The following ATXN10 variants were observed in gnomAD, a reference collection of about 807,000 sequenced individuals.
ATXN10 encodes the protein ataxin 10, also known as ataxin-10.
A neutral mutation model predicts 52.9 loss-of-function variants in ATXN10; 28 were observed. That is an observed-to-expected ratio of 0.53 (90% CI 0.39 to 0.73). The LOEUF (loss-of-function observed/expected upper bound fraction) is 0.73, where lower values mean the gene tolerates loss of function less well. Among genes scored for constraint, ATXN10 ranks in the 30% least tolerant of loss-of-function variants. The pLI, the probability that ATXN10 is intolerant of heterozygous loss-of-function variation, is 0.00. For synonymous variants in ATXN10, 226 were observed against 221.5 expected (o/e 1.02, Z -0.18); for missense variants, 565 against 577.0 (o/e 0.98, Z 0.21).
Position 45,818,019 on chromosome 22 carries a change from A to G in ATXN10, c.1237+10997A>G, listed in dbSNP as rs78061632. 1.4e-3 allele frequency among the ~76,000 whole-genome samples: 215 copies of G among 152,364 alleles called. 1 individual carries two copies. Among genetic ancestry groups the G allele is most frequent in the Middle Eastern group, 3.4e-3 (1 of 294 alleles). ...GTTGGAGAAAGACATGCTGGAATGCATAAGCTTTCAGAAAAGAGACTTCCT... is the reference window on the plus strand; with the variant it reads ...GTTGGAGAAAGACATGCTGGAATGCGTAAGCTTTCAGAAAAGAGACTTCCT... On this transcript the variant is annotated intron_variant, in intron 10 of 11. Transcript: ENST00000252934. This position sits in a 1 kb window ranked among gnomAD's most constrained non-coding sequence, Gnocchi z 4.6.
Position 45,759,031 on chromosome 22 carries a change from C to T in ATXN10, c.1173+18493C>T, listed in dbSNP as rs1230453799. 6.6e-6 allele frequency among the ~76,000 whole-genome samples: 1 copy of T among 152,154 alleles called. No individual in the cohort carries two copies. The highest frequency in any genetic ancestry group is 6.5e-5 in the Admixed American group (1 of 15,278). ...ATTATTCTTACTTAGAAGTACCATT[C>T]TTATTTAAAGGCAGTATATCTCATA... On this transcript the variant is annotated intron_variant, in intron 9 of 11. Transcript: ENST00000252934. The surrounding 1 kb of genome is among the most constrained non-coding windows in gnomAD (Gnocchi z 5.4).
At chr22:45,672,313 G>C in intron 1 of ATXN10, 134 bp downstream of exon 1, 1 of 1,025,868 alleles carries the variant, frequency 9.7e-7, no homozygotes. Context: ...CGGGCTGCCT[G>C]AGCGCCACCC....
In ATXN10 at chr22:45,720,033, GAATA is replaced by G. The variant is rs1398715539; in HGVS notation, c.728+1541_728+1544del. ...TCAGTGAAAGCATGAGTGAATGAAT[GAATA>G]TTCTTACTCAATAAAGTGTTCCTCT... On this transcript the variant is annotated intron_variant, in intron 6 of 11. Transcript: ENST00000252934. 2.6e-5 allele frequency among the ~76,000 whole-genome samples: 4 copies of G among 152,282 alleles called. No homozygotes were observed. The East Asian group carries it at 7.7e-4, about 29-fold the overall frequency.
intron 9 of ATXN10, among the ~76,000 whole-genome samples, chr22:45,742,426 T>TA (rs1281356572): frequency 2.6e-5 from 4 of 151,850 alleles, no homozygotes; most frequent in Admixed American, 6.6e-5. Context: ...GTAAAGGAGA[T>TA]ACGCTTCATA....
At chr22:45,722,506 C>G (rs1323521941) in intron 6 of ATXN10, among the ~76,000 whole-genome samples, 1 of 152,218 alleles carries the variant, frequency 6.6e-6, no homozygotes, top group Admixed American at 6.5e-5. Context: ...TTGACTGCTT[C>G]TTTCCTTTGA....
intron 9 of ATXN10, among the ~76,000 whole-genome samples, chr22:45,796,199 T>C (rs563592583): frequency 6.6e-6 from 1 of 152,322 alleles, no homozygotes; most frequent in Non-Finnish European, 1.5e-5. Flanking sequence ...AGATAAGGGA[T>C]GAAATACTCC....
Position 45,715,686 on chromosome 22 carries a change from C to T in ATXN10, c.648-2727C>T, listed in dbSNP as rs1470450822. Among the ~76,000 whole-genome samples the T allele has an allele frequency of 6.6e-6, 1 of 152,194 alleles. No individual in the cohort carries two copies. The highest frequency in any genetic ancestry group is 2.4e-5 in the African/African-American group (1 of 41,442). ...GTACTGTCGTAGGTAGCCACCTTCA[C>T]CTGAGTGATATTTATAGACCTTCCC... On this transcript the variant is annotated intron_variant, in intron 5 of 11. Coordinates refer to ENST00000252934, the MANE Select transcript of ATXN10 (RefSeq NM_013236.4). The surrounding 1 kb of genome is among the most constrained non-coding windows in gnomAD (Gnocchi z 4.4).
intron 9 of ATXN10, among the ~76,000 whole-genome samples, chr22:45,788,524 G>A (rs11090655): frequency 0.012 from 1,765 of 151,790 alleles, 41 homozygotes; most frequent in African/African-American, 0.039. Flanking sequence ...TTCATTCAGC[G>A]TCTGCAGCAG....
intron 6 of ATXN10, among the ~76,000 whole-genome samples, chr22:45,725,496 A>G (rs1924832936): frequency 6.7e-6 from 1 of 148,332 alleles, no homozygotes; most frequent in Admixed American, 6.8e-5. Context: ...AGTGCTACTG[A>G]TTTGTGTACA....
intron 10 of ATXN10, among the ~76,000 whole-genome samples, chr22:45,808,072 G>C (rs1382759071): frequency 6.6e-6 from 1 of 152,212 alleles, no homozygotes; most frequent in Non-Finnish European, 1.5e-5. Context: ...ACAGTAGCTT[G>C]TAAGTTCAGT....
In ATXN10 at chr22:45,832,982, T is replaced by C. The variant is rs571148167; in HGVS notation, c.1238-10009T>C. ...TGGAGTTATTTATGTATTATACCTT[T>C]CTGCTGAAGGTTGTCCTGACTTTAA... On this transcript the variant is annotated intron_variant, in intron 10 of 11. Transcript: ENST00000252934. Among the ~76,000 whole-genome samples, 526 of 152,336 alleles carry C rather than the reference T, an allele frequency of 3.5e-3. 1 individual carries two copies. Among genetic ancestry groups the C allele is most frequent in the Non-Finnish European group, 5.6e-3 (380 of 68,026 alleles).
chr22:45,672,033 C>G lies in ATXN10; in HGVS notation c.-31C>G, dbSNP rs753900456. 1 of 1,531,500 alleles carries G rather than the reference C, an allele frequency of 6.5e-7. No individual in the cohort carries two copies. The allele number at this position is 1,531,500 out of a possible 1,614,324, so 94.9% of individuals were successfully genotyped here. A position where few individuals can be genotyped will look rare whatever the true frequency, so the allele number is the denominator to read the frequency against. On this transcript the variant is annotated 5_prime_UTR_variant, in exon 1 of 12. Transcript: ENST00000252934. ...TCGTCCTCCTCGCCTTCCTCCTCCT[C>G]GTCAGGCTCGACCCAGCTGTGAGCG...
chr22:45,814,461 C>T (rs1216293822), intron 10 of ATXN10, among the ~76,000 whole-genome samples: 1 of 152,174 alleles, frequency 6.6e-6, no homozygotes, highest in Non-Finnish European at 1.5e-5. Flanking sequence ...AAAGCCCCAA[C>T]AATACTCAGT....
Position 45,780,387 on chromosome 22 carries a change from T to C in ATXN10, c.1174-26572T>C, listed in dbSNP as rs550704388. On this transcript the variant is annotated intron_variant, in intron 9 of 11. Transcript: ENST00000252934. This position sits in a 1 kb window ranked among gnomAD's most constrained non-coding sequence, Gnocchi z 4.0. ...GCATGAGCCACTGTGCCCGTCGGACTGTTTGCTCTCATGAGAGCAGGGTGT... is the reference window on the plus strand; with the variant it reads ...GCATGAGCCACTGTGCCCGTCGGACCGTTTGCTCTCATGAGAGCAGGGTGT... Among the ~76,000 whole-genome samples, 3 of 152,328 alleles carry C rather than the reference T, an allele frequency of 2.0e-5. No individual in the cohort carries two copies. The highest frequency in any genetic ancestry group is 7.2e-5 in the African/African-American group (3 of 41,576).
intron 6 of ATXN10, among the ~76,000 whole-genome samples, chr22:45,721,773 A>G (rs972330): frequency 2.0e-5 from 3 of 151,872 alleles, no homozygotes; most frequent in Admixed American, 6.6e-5. Context: ...ACATTTTCCA[A>G]ATTGGAGTTC....
At chr22:45,753,492 G>A (rs1043135768) in intron 9 of ATXN10, among the ~76,000 whole-genome samples, 11 of 131,418 alleles carry the variant, frequency 8.4e-5, no homozygotes, top group African/African-American at 1.1e-4. Context: ...TGCAACCTCC[G>A]CCTCCCGGGA....
At chr22:45,691,815 C>T (rs1054777402) in intron 2 of ATXN10, among the ~76,000 whole-genome samples, 4 of 152,066 alleles carry the variant, frequency 2.6e-5, no homozygotes, top group African/African-American at 7.2e-5. Context: ...ATCACTTGAA[C>T]GGGGAAAGCG....
chr22:45,691,414 A>G (rs1199211023), intron 2 of ATXN10, among the ~76,000 whole-genome samples: 1 of 152,238 alleles, frequency 6.6e-6, no homozygotes, highest in Non-Finnish European at 1.5e-5. Flanking sequence ...TTTAATTCTT[A>G]GAACAAACTC....
rs1925911657 is a variant in ATXN10 at position 45,750,639 on chromosome 22, A to G, written c.1173+10101A>G. On this transcript the variant is annotated intron_variant, in intron 9 of 11. Coordinates refer to ENST00000252934, the MANE Select transcript of ATXN10 (RefSeq NM_013236.4). This position sits in a 1 kb window ranked among gnomAD's most constrained non-coding sequence, Gnocchi z 4.2. Reference sequence around the variant, plus strand: ...AAATAAGCCATAATTTTGACTATAAAATGAAAATAATTGAGGAATTGTCAT... The same window carrying G: ...AAATAAGCCATAATTTTGACTATAAGATGAAAATAATTGAGGAATTGTCAT... 6.6e-6 allele frequency among the ~76,000 whole-genome samples: 1 copy of G among 152,204 alleles called. No individual in the cohort carries two copies. Among genetic ancestry groups the G allele is most frequent in the Non-Finnish European group, 1.5e-5 (1 of 68,040 alleles).
Sources: allele counts gnomAD v4.1 joint callset (sites outside exome capture counted in the v4.1 genomes callset), GRCh38; gene constraint gnomAD v4.1.1; non-coding constraint Gnocchi (gnomAD v3.1); transcripts MANE v1.5; gene names NCBI Gene and HGNC (gene_info 2026-07-23, HGNC 2026-07-21).